The following ISG20 variants were observed in gnomAD, a reference collection of about 807,000 sequenced individuals.
ISG20 encodes interferon-stimulated gene 20 kDa protein.
A neutral mutation model predicts 11.1 loss-of-function variants in ISG20; 8 were observed. That is an observed-to-expected ratio of 0.72 (90% CI 0.42 to 1.30). The LOEUF (loss-of-function observed/expected upper bound fraction) is 1.30, where lower values mean the gene tolerates loss of function less well. Among genes scored for constraint, ISG20 ranks in the 50% most tolerant of loss-of-function variants. The pLI, the probability that ISG20 is intolerant of heterozygous loss-of-function variation, is 0.01. For missense variants in ISG20, 243 were observed against 250.2 expected, an observed-to-expected ratio of 0.97 and a Z score of 0.19; for synonymous variants, 110 against 101.7, an observed-to-expected ratio of 1.08 and a Z score of -0.49.
In ISG20 at chr15:88,640,595, A is replaced by G. The variant is rs140621887; in HGVS notation, c.228+1001A>G. ...AGTAAAAGAAAAGAAGGATAATAGT[A>G]GTAGCAACTTTGTTGGGTTATTGCG... On this transcript the variant is annotated intron_variant, in intron 2 of 3. Coordinates refer to ENST00000306072, the MANE Select transcript of ISG20 (RefSeq NM_002201.6). 3.9e-5 allele frequency among the ~76,000 whole-genome samples: 6 copies of G among 152,356 alleles called. No homozygotes were observed. The East Asian group carries it at 9.6e-4, about 24-fold the overall frequency.
At chr15:88,649,424 C>A (rs999898505) in intron 2 of ISG20, 2 of 152,434 alleles carry the variant, frequency 1.3e-5, no homozygotes, top group African/African-American at 2.4e-5. Context: ...GTACCTTCTA[C>A]GTCTGTGCCC....
intron 2 of ISG20, among the ~76,000 whole-genome samples, chr15:88,641,055 T>C (rs1226004857): frequency 6.6e-6 from 1 of 151,896 alleles, no homozygotes. Context: ...TGCAGTGACA[T>C]GATCTTGGCT....
At chr15:88,653,836 G>A (rs1265447673) in intron 3 of ISG20, among the ~76,000 whole-genome samples, 6 of 152,164 alleles carry the variant, frequency 3.9e-5, no homozygotes, top group Non-Finnish European at 8.8e-5. Flanking sequence ...TGCCCCTCGA[G>A]GGAGTGAAAT....
At chr15:88,635,684 GT>G (rs1223887664), upstream of ISG20, among the ~76,000 whole-genome samples, 1 of 152,194 alleles carries the variant, frequency 6.6e-6, no homozygotes, top group Non-Finnish European at 1.5e-5. Flanking sequence ...ATGGTGCCAC[GT>G]GTGGTCTGTA....
intron 3 of ISG20, among the ~76,000 whole-genome samples, chr15:88,654,779 C>T (rs1405918540): frequency 2.6e-5 from 4 of 152,148 alleles, no homozygotes; most frequent in Admixed American, 6.5e-5. Context: ...AAATGGTCAT[C>T]GCTTCTCCCT....
In ISG20 at chr15:88,639,728, C is replaced by T. The variant is rs935671754; in HGVS notation, c.228+134C>T. Reference sequence around the variant, plus strand: ...TCCCACACTGCTGTTGGGAGAAAGCCGGTGGTGTCTCCATCACATCCTGGA... The same window carrying T: ...TCCCACACTGCTGTTGGGAGAAAGCTGGTGGTGTCTCCATCACATCCTGGA... On this transcript the variant is annotated intron_variant, in intron 2 of 3. Coordinates refer to ENST00000306072, the MANE Select transcript of ISG20 (RefSeq NM_002201.6). This position sits in a 1 kb window ranked among gnomAD's most constrained non-coding sequence, Gnocchi z 4.2. 1.2e-5 allele frequency: 8 copies of T among 682,772 alleles called. No homozygotes were observed. The highest frequency in any genetic ancestry group is 1.1e-4 in the Admixed American group (4 of 37,604). 42.3% of individuals were successfully genotyped at this position (682,772 alleles called of 1,614,324 possible).
At chr15:88,654,278 G>A (rs4932399) in intron 3 of ISG20, among the ~76,000 whole-genome samples, 74,507 of 152,086 alleles carry the variant, frequency 0.49, 19,439 homozygotes, top group Middle Eastern at 0.6. Context: ...GAGGCACAGC[G>A]CAGACGACGC....
At chr15:88,637,981 AGCAGG>A (rs1370812325), upstream of ISG20, among the ~76,000 whole-genome samples, 1 of 152,226 alleles carries the variant, frequency 6.6e-6, no homozygotes, top group East Asian at 1.9e-4. Context: ...AGTAAGCAGG[AGCAGG>A]GCTTTCTCAT....
At chr15:88,653,882 G>A (rs2141408307) in intron 3 of ISG20, among the ~76,000 whole-genome samples, 1 of 152,310 alleles carries the variant, frequency 6.6e-6, no homozygotes, top group Admixed American at 6.5e-5. Flanking sequence ...CTGCGCGCAT[G>A]GTAGACTGGG....
At chr15:88,651,442 T>G in intron 2 of ISG20, 1 of 353,528 alleles carries the variant, frequency 2.8e-6, no homozygotes, top group Non-Finnish European at 4.0e-6. Context: ...TCCTTCTGGA[T>G]GCTCTGGGGA....
chr15:88,650,478 C>T lies in ISG20; in HGVS notation c.229-1632C>T, dbSNP rs1288750539. 1.3e-5 allele frequency: 19 copies of T among 1,434,820 alleles called. No individual in the cohort carries two copies. The highest frequency in any genetic ancestry group is 1.3e-5 in the Non-Finnish European group (14 of 1,096,546). 88.9% of individuals were successfully genotyped at this position (1,434,820 alleles called of 1,614,324 possible). ...CTTCAAGGCCTGGCTTTGCCACTAACTAGCCGTGTGACTGTCCCAGTTATC... is the reference window on the plus strand; with the variant it reads ...CTTCAAGGCCTGGCTTTGCCACTAATTAGCCGTGTGACTGTCCCAGTTATC... On this transcript the variant is annotated intron_variant, in intron 2 of 3. Coordinates refer to ENST00000306072, the MANE Select transcript of ISG20 (RefSeq NM_002201.6). This position sits in a 1 kb window ranked among gnomAD's most constrained non-coding sequence, Gnocchi z 4.0.
In ISG20 at chr15:88,645,574, G is replaced by C. The variant is rs374050288; in HGVS notation, c.228+5980G>C. Among the ~76,000 whole-genome samples, 28 of 152,040 alleles carry C rather than the reference G, an allele frequency of 1.8e-4. No individual in the cohort carries two copies. The South Asian group carries it at 1.9e-3, about 10-fold the overall frequency. On this transcript the variant is annotated intron_variant, in intron 2 of 3. Coordinates refer to ENST00000306072, the MANE Select transcript of ISG20 (RefSeq NM_002201.6). ...CTCCCTATTGCCTAAGGTTCCCCCA[G>C]CTCAGCACCTAGCAGTCAGGCTCTC...
rs549942101 is a variant in ISG20 at position 88,640,496 on chromosome 15, G to T, written c.228+902G>T. ...GAACTGTTAACGCAGAGTTAAGAGG[G>T]TCAGTTTCAATCTCAGTTCCCATTA... On this transcript the variant is annotated intron_variant, in intron 2 of 3. Transcript: ENST00000306072. 1.2e-4 allele frequency among the ~76,000 whole-genome samples: 19 copies of T among 152,320 alleles called. No individual in the cohort carries two copies. In the South Asian group the frequency reaches 3.9e-3, roughly 32 times the overall value.
chr15:88,650,048 T>C lies in ISG20; in HGVS notation c.229-2062T>C, dbSNP rs2058247135. On this transcript the variant is annotated intron_variant, in intron 2 of 3. Transcript: ENST00000306072. This position sits in a 1 kb window ranked among gnomAD's most constrained non-coding sequence, Gnocchi z 4.0. ...ATGTTCCAGGAGGCCGCTGGCTATC[T>C]AGAAGGAGAAGCAGGCTACGGGGAA... The C allele has an allele frequency of 5.1e-6, 3 of 593,006 alleles. No homozygotes were observed. The highest frequency in any genetic ancestry group is 6.0e-6 in the Non-Finnish European group (2 of 330,796). The allele number at this position is 593,006 out of a possible 1,614,324, so 36.7% of individuals were successfully genotyped here. A position where few individuals can be genotyped will look rare whatever the true frequency, so the allele number is the denominator to read the frequency against.
intron 2 of ISG20, among the ~76,000 whole-genome samples, chr15:88,642,637 G>C (rs1359761249): frequency 2.0e-5 from 3 of 148,840 alleles, no homozygotes; most frequent in Non-Finnish European, 4.5e-5. Context: ...GTTGTTTTGA[G>C]ACGAAGTCTC....
intron 2 of ISG20, among the ~76,000 whole-genome samples, chr15:88,644,728 G>A (rs770947532): frequency 5.3e-5 from 8 of 152,112 alleles, no homozygotes; most frequent in Non-Finnish European, 1.2e-4. Context: ...AGGTGCTGAT[G>A]GGAGGCCCAG....
At chr15:88,644,421 A>G (rs2058133357) in intron 2 of ISG20, among the ~76,000 whole-genome samples, 1 of 151,748 alleles carries the variant, frequency 6.6e-6, no homozygotes, top group Admixed American at 6.6e-5. Context: ...TAATGTAGCT[A>G]CTTGGGAGGC....
chr15:88,651,888 G>A, intron 2 of ISG20: 1 of 1,398,426 alleles, frequency 7.2e-7, no homozygotes, highest in Non-Finnish European at 9.3e-7. Flanking sequence ...AGCTCCTGAA[G>A]GAGTCCAGGT....
chr15:88,645,841 C>T (rs1292089306), intron 2 of ISG20, among the ~76,000 whole-genome samples: 3 of 152,206 alleles, frequency 2.0e-5, no homozygotes, highest in Non-Finnish European at 2.9e-5. Flanking sequence ...CATCATAGCT[C>T]GTCCATTCAT....
Sources: allele counts gnomAD v4.1 joint callset (sites outside exome capture counted in the v4.1 genomes callset), GRCh38; gene constraint gnomAD v4.1.1; non-coding constraint Gnocchi (gnomAD v3.1); transcripts MANE v1.5; gene names NCBI Gene and HGNC (gene_info 2026-07-23, HGNC 2026-07-21).